JARID2: variants seen among roughly 807,000 people sequenced by gnomAD.
The protein encoded by JARID2 is protein Jumonji.
A neutral mutation model predicts 125.6 loss-of-function variants in JARID2; 21 were observed. That is an observed-to-expected ratio of 0.17 (90% CI 0.12 to 0.24). The LOEUF is 0.24. Ranked by LOEUF, JARID2 falls within the 10% of genes least tolerant of loss-of-function variation. The pLI is 1.00. For missense variants in JARID2, 1,303 were observed against 1,639.6 expected (o/e 0.79, Z 3.55); for synonymous variants, 736 against 661.6 (o/e 1.11, Z -1.73).
intron 1 of JARID2, among the ~76,000 whole-genome samples, chr6:15,265,546 T>C (rs2127339519): frequency 6.6e-6 from 1 of 152,228 alleles, no homozygotes; most frequent in Non-Finnish European, 1.5e-5. Context: ...TGTGAAGTGA[T>C]ACTGCTTTGG....
chr6:15,402,572 T>A (rs77192596), intron 2 of JARID2, among the ~76,000 whole-genome samples: 63 of 152,036 alleles, frequency 4.1e-4, no homozygotes, highest in Non-Finnish European at 7.2e-4. Flanking sequence ...CAAAAAAAAA[T>A]GCCCTTGTGT....
intron 3 of JARID2, among the ~76,000 whole-genome samples, chr6:15,421,376 A>G: frequency 6.6e-6 from 1 of 151,940 alleles, no homozygotes; most frequent in Non-Finnish European, 1.5e-5. Context: ...GGAACTAGCC[A>G]CGGTCATAGC....
chr6:15,345,433 T>C (rs1000084612), intron 1 of JARID2, among the ~76,000 whole-genome samples: 1 of 152,154 alleles, frequency 6.6e-6, no homozygotes, highest in African/African-American at 2.4e-5. Flanking sequence ...ATTGAAAATC[T>C]GGAGCTCGAG....
At chr6:15,456,227 G>A (rs918671108) in intron 4 of JARID2, among the ~76,000 whole-genome samples, 1 of 152,110 alleles carries the variant, frequency 6.6e-6, no homozygotes, top group African/African-American at 2.4e-5. Flanking sequence ...TAGTTGCGGA[G>A]GCATGCTTAT....
At chr6:15,401,414 T>C (rs1765429540) in intron 2 of JARID2, among the ~76,000 whole-genome samples, 1 of 152,192 alleles carries the variant, frequency 6.6e-6, no homozygotes, top group Non-Finnish European at 1.5e-5. Context: ...CTATAGCTGG[T>C]CCCTTTTATT....
chr6:15,436,694 T>C (rs894123372), intron 3 of JARID2, among the ~76,000 whole-genome samples: 1 of 152,132 alleles, frequency 6.6e-6, no homozygotes, highest in Admixed American at 6.5e-5. Flanking sequence ...CCAGCACTCC[T>C]GTATCACTTG....
intron 6 of JARID2, among the ~76,000 whole-genome samples, chr6:15,494,136 G>A (rs933655351): frequency 2.6e-5 from 4 of 152,108 alleles, no homozygotes; most frequent in African/African-American, 9.7e-5. Context: ...GGCTTTGATT[G>A]GACTGCACTT....
At chr6:15,451,497 G>A (rs578239777) in intron 3 of JARID2, among the ~76,000 whole-genome samples, 17 of 152,190 alleles carry the variant, frequency 1.1e-4, no homozygotes, top group Non-Finnish European at 2.2e-4. Context: ...GAATTTAGAA[G>A]TGGCGACAGG....
intron 2 of JARID2, among the ~76,000 whole-genome samples, chr6:15,393,082 G>T (rs923581770): frequency 1.3e-5 from 2 of 152,192 alleles, no homozygotes; most frequent in African/African-American, 4.8e-5. Flanking sequence ...GGATACGCAT[G>T]AAATGGTGGT....
chr6:15,430,021 G>T (rs995106944), intron 3 of JARID2, among the ~76,000 whole-genome samples: 2 of 152,174 alleles, frequency 1.3e-5, no homozygotes, highest in Non-Finnish European at 2.9e-5. Flanking sequence ...GCCAAGAGAA[G>T]GCAAAATTCC....
intron 1 of JARID2, among the ~76,000 whole-genome samples, chr6:15,339,450 G>C (rs567211024): frequency 8.5e-5 from 13 of 152,174 alleles, no homozygotes; most frequent in Admixed American, 2.0e-4. Context: ...TTATAAAAAA[G>C]AGAGAAGATG....
At chr6:15,504,675 C>G in intron 9 of JARID2, 83 bp downstream of exon 9, 3 of 859,622 alleles carry the variant, frequency 3.5e-6, no homozygotes, top group South Asian at 2.7e-5. Flanking sequence ...CTGCCCTGAC[C>G]CCTGCAGCTC....
intron 11 of JARID2, among the ~76,000 whole-genome samples, 193 bp downstream of exon 11, chr6:15,507,609 G>T (rs1771071634): frequency 6.6e-6 from 1 of 152,212 alleles, no homozygotes; most frequent in African/African-American, 2.4e-5. Flanking sequence ...CAGTAGAAAA[G>T]GTGGAAAGGT....
chr6:15,368,086 G>C (rs966334638), intron 1 of JARID2, among the ~76,000 whole-genome samples: 1 of 152,156 alleles, frequency 6.6e-6, no homozygotes, highest in Non-Finnish European at 1.5e-5. Flanking sequence ...GGTGTAGTTA[G>C]AAACTATATC....
At chr6:15,388,005 T>C (rs1764854076) in intron 2 of JARID2, among the ~76,000 whole-genome samples, 1 of 152,160 alleles carries the variant, frequency 6.6e-6, no homozygotes, top group African/African-American at 2.4e-5. Context: ...AGATAGGGCT[T>C]CCTACAGCCA....
chr6:15,468,165 CTGTCT>C (rs1045192384), intron 4 of JARID2, among the ~76,000 whole-genome samples: 10 of 121,128 alleles, frequency 8.3e-5, no homozygotes, highest in African/African-American at 2.6e-4. Flanking sequence ...TCTGTCTTCT[CTGTCT>C]TTTTTTTTTT....
intron 5 of JARID2, among the ~76,000 whole-genome samples, chr6:15,481,395 A>C (rs1485875291): frequency 6.6e-6 from 1 of 152,184 alleles, no homozygotes; most frequent in Non-Finnish European, 1.5e-5. Flanking sequence ...GGACTTCTAT[A>C]CATTGAACTT....
intron 1 of JARID2, chr6:15,248,076 A>C: frequency 1.0e-6 from 1 of 985,106 alleles, no homozygotes; most frequent in Non-Finnish European, 1.2e-6. Flanking sequence ...TTTCTTTCTT[A>C]TTGCGGGCGT....
At chr6:15,410,139 T>C in intron 2 of JARID2, 85 bp from the exon 3 acceptor site, 1 of 1,245,736 alleles carries the variant, frequency 8.0e-7, no homozygotes, top group Non-Finnish European at 1.1e-6. Context: ...TCTGTCTTCA[T>C]CAGCGTTGTG....
Sources: allele counts gnomAD v4.1 joint callset (sites outside exome capture counted in the v4.1 genomes callset), GRCh38; gene constraint gnomAD v4.1.1; transcripts MANE v1.5; gene names NCBI Gene and HGNC (gene_info 2026-07-23, HGNC 2026-07-21).